TENM3: variants seen among roughly 807,000 people sequenced by gnomAD.
TENM3 encodes the protein teneurin-3.
TENM3 carries 63 observed loss-of-function variants against 255.1 expected under a neutral mutation model. The observed-to-expected ratio is 0.25, with a 90% CI of 0.20 to 0.30. The LOEUF (loss-of-function observed/expected upper bound fraction) is 0.30, where lower values mean the gene tolerates loss of function less well. Ranked by LOEUF, TENM3 falls within the 10% of genes least tolerant of loss-of-function variation. The pLI is 1.00. For missense variants in TENM3, 2,929 were observed against 3,461.1 expected (o/e 0.85, Z 3.86); for synonymous variants, 1,306 against 1,322.3 (o/e 0.99, Z 0.27).
intron 24 of TENM3, among the ~76,000 whole-genome samples, chr4:182,785,115 C>T (rs575277975): frequency 1.3e-4 from 20 of 152,068 alleles, no homozygotes; most frequent in South Asian, 4.1e-4. Flanking sequence ...CTTGCTGGGA[C>T]GCCCAGGCTG....
At chr4:181,508,201 T>C in the TENM3 span, among the ~76,000 whole-genome samples, 1 of 152,196 alleles carries the variant, frequency 6.6e-6, no homozygotes, top group Non-Finnish European at 1.5e-5. Flanking sequence ...ACCTGGGTTG[T>C]CAGCAAGTGC....
chr4:182,201,179 A>G (rs536895118), intron 1 of TENM3, among the ~76,000 whole-genome samples: 11 of 152,230 alleles, frequency 7.2e-5, no homozygotes, highest in Non-Finnish European at 1.2e-4. Flanking sequence ...ATAACCAGAT[A>G]GTACGTTAGA....
chr4:181,613,917 G>GA, the TENM3 span, among the ~76,000 whole-genome samples: 4 of 152,184 alleles, frequency 2.6e-5, no homozygotes, highest in Non-Finnish European at 4.4e-5. Context: ...AAGTAGGTGA[G>GA]AAAATCCAGC....
At chr4:181,592,428 T>C in the TENM3 span, among the ~76,000 whole-genome samples, 3 of 151,352 alleles carry the variant, frequency 2.0e-5, no homozygotes, top group African/African-American at 7.3e-5. Context: ...AGCCTAGACT[T>C]GAGAAGCTGT....
intron 24 of TENM3, among the ~76,000 whole-genome samples, chr4:182,787,287 G>C (rs1340971778): frequency 6.6e-6 from 1 of 152,192 alleles, no homozygotes; most frequent in Non-Finnish European, 1.5e-5. Context: ...AACAGACTCA[G>C]AGGGGTTGAA....
At chr4:182,232,827 G>A (rs1756667780) in intron 1 of TENM3, among the ~76,000 whole-genome samples, 1 of 152,150 alleles carries the variant, frequency 6.6e-6, no homozygotes, top group African/African-American at 2.4e-5. Flanking sequence ...ACTGTAATGG[G>A]TGGGTAGCTT....
intron 1 of TENM3, among the ~76,000 whole-genome samples, chr4:182,208,247 A>T (rs1313104798): frequency 1.3e-5 from 2 of 152,238 alleles, no homozygotes; most frequent in Non-Finnish European, 2.9e-5. Flanking sequence ...CACCCCATTA[A>T]GAAGTCAGAT....
Position 182,792,877 on chromosome 4 carries a change from A to G in TENM3, c.6205A>G (p.Ile2069Val), listed in dbSNP as rs1766214081. The change falls in exon 26 of 28, where the codon ATC (isoleucine) becomes GTC (valine). Residue 2069 changes from isoleucine to valine, a missense_variant. Physicochemically the swap from Ile to Val is conservative, Grantham distance 29 (BLOSUM62 3). Around this residue, in one of 6 missense-constraint regions of TENM3, gnomAD observed 256 missense variants for 389.3 expected, o/e 0.66. Transcript: ENST00000511685. The surrounding 1 kb of genome is among the most constrained non-coding windows in gnomAD (Gnocchi z 6.3). Reference sequence around the variant, plus strand: ...AGTTATATATTATGATATTAACCAGATCATTTCTACAGCTGTAATGACCTA... The same window carrying G: ...AGTTATATATTATGATATTAACCAGGTCATTTCTACAGCTGTAATGACCTA... ...FGVIYYDINQ[I>V]ISTAVMTYTK... The G allele has an allele frequency of 6.2e-7, 1 of 1,613,916 alleles. No individual in the cohort carries two copies. Among genetic ancestry groups the G allele is most frequent in the South Asian group, 1.1e-5 (1 of 91,080 alleles).
chr4:182,528,123 G>GT (rs532708228), intron 3 of TENM3, among the ~76,000 whole-genome samples: 2 of 151,930 alleles, frequency 1.3e-5, no homozygotes, highest in Non-Finnish European at 1.5e-5. Context: ...TTAAAAGTTT[G>GT]TTTTTTTATT....
the TENM3 span, among the ~76,000 whole-genome samples, chr4:181,792,390 T>C: frequency 6.6e-5 from 10 of 152,348 alleles, no homozygotes; most frequent in African/African-American, 2.4e-4. Context: ...ATTCACAATT[T>C]ACTGTTAAGC....
chr4:182,548,277 C>T (rs867141423), intron 3 of TENM3, among the ~76,000 whole-genome samples: 1 of 152,020 alleles, frequency 6.6e-6, no homozygotes, highest in Non-Finnish European at 1.5e-5. Flanking sequence ...AAAGACCGCC[C>T]GTGACTCATG....
Position 182,786,492 on chromosome 4 carries a change from G to A in TENM3, c.5305-2601G>A, listed in dbSNP as rs148263212. On this transcript the variant is annotated intron_variant, in intron 24 of 27. Coordinates refer to ENST00000511685, the MANE Select transcript of TENM3 (RefSeq NM_001080477.4). ...AGAATTGCTTGAACCTGGAGGAGGA[G>A]GTTGCAGTGAGCCAAGATTGCACCA... is the stretch of plus-strand genomic sequence containing the variant. Among the ~76,000 whole-genome samples the A allele has an allele frequency of 5.8e-3, 875 of 151,372 alleles. 9 individuals are homozygous for A. The highest frequency in any genetic ancestry group is 0.02 in the African/African-American group (839 of 41,158).
At chr4:182,469,349 A>C (rs1294979583) in intron 3 of TENM3, among the ~76,000 whole-genome samples, 2 of 152,206 alleles carry the variant, frequency 1.3e-5, no homozygotes, top group African/African-American at 4.8e-5. Context: ...ATTAAAGTTC[A>C]GAAGAGTTAT....
the TENM3 span, among the ~76,000 whole-genome samples, chr4:181,928,047 G>A: frequency 1.3e-5 from 2 of 152,136 alleles, no homozygotes; most frequent in Non-Finnish European, 2.9e-5. Flanking sequence ...AAGACCAAAA[G>A]TAGATAAATC....
chr4:181,734,273 A>G, the TENM3 span, among the ~76,000 whole-genome samples: 1 of 152,116 alleles, frequency 6.6e-6, no homozygotes, highest in East Asian at 1.9e-4. Context: ...ACTAAAATAG[A>G]AGCTTAATGA....
the TENM3 span, among the ~76,000 whole-genome samples, chr4:181,833,134 A>G: frequency 6.6e-6 from 1 of 152,162 alleles, no homozygotes; most frequent in African/African-American, 2.4e-5. Flanking sequence ...TCTTATACCA[A>G]TATTCTTATA....
rs188712494 is a variant in TENM3, at chr4:182,663,335, C to A, written c.1111+9442C>A. Among the ~76,000 whole-genome samples the A allele has an allele frequency of 2.3e-3, 342 of 151,350 alleles. 4 individuals carry two copies. Among genetic ancestry groups the A allele is most frequent in the African/African-American group, 8.1e-3 (335 of 41,506 alleles). On this transcript the variant is annotated intron_variant, in intron 6 of 27. Transcript: ENST00000511685. Reference sequence around the variant, plus strand: ...TTTGAGATCATACGTTTTAAAAAACCTGTTTTCTTCTATATTAAATTATAC... The same window carrying A: ...TTTGAGATCATACGTTTTAAAAAACATGTTTTCTTCTATATTAAATTATAC...
At chr4:182,636,975 C>A (rs1290797351) in intron 5 of TENM3, among the ~76,000 whole-genome samples, 1 of 152,154 alleles carries the variant, frequency 6.6e-6, no homozygotes, top group African/African-American at 2.4e-5. Flanking sequence ...AAGCTTAATG[C>A]AATATTTACC....
Position 182,801,491 on chromosome 4 carries a change from T to C in TENM3, c.*1140T>C, listed in dbSNP as rs191489034. ...GCCCTCTCTCAACCTTGCAAGTCAA[T>C]GGGGAGTTGTTGATATAATTAACCC... On this transcript the variant is annotated 3_prime_UTR_variant, in exon 28 of 28. Coordinates refer to ENST00000511685, the MANE Select transcript of TENM3 (RefSeq NM_001080477.4). The C allele has an allele frequency of 6.6e-6, 1 of 152,282 alleles. No individual in the cohort carries two copies. Among genetic ancestry groups the C allele is most frequent in the African/African-American group, 2.4e-5 (1 of 41,560 alleles). 9.4% of individuals were successfully genotyped at this position (152,282 alleles called of 1,614,324 possible). A position where few individuals can be genotyped will look rare whatever the true frequency, so the allele number is the denominator to read the frequency against.
Sources: allele counts gnomAD v4.1 joint callset (sites outside exome capture counted in the v4.1 genomes callset), GRCh38; gene constraint gnomAD v4.1.1; regional missense constraint gnomAD v4.1.1; non-coding constraint Gnocchi (gnomAD v3.1); transcripts MANE v1.5; gene names NCBI Gene and HGNC (gene_info 2026-07-23, HGNC 2026-07-21).